Variants in MYO5B observed in about 807,000 individuals in gnomAD.
MYO5B encodes the protein unconventional myosin-Vb.
Under a neutral mutation model 229.3 loss-of-function variants are expected in MYO5B, and 143 were observed. The ratio of observed to expected loss-of-function variants is 0.62; its 90% CI spans 0.54 to 0.72. MYO5B has a LOEUF of 0.72. Ranked by LOEUF, MYO5B falls within the 30% of genes least tolerant of loss-of-function variation. The probability of loss-of-function intolerance (pLI) is 0.00; values close to 1 mark genes in which losing one functional copy is unlikely to be tolerated. For synonymous variants in MYO5B, 918 were observed against 885.2 expected, an observed-to-expected ratio of 1.04 and a Z score of -0.66; for missense variants, 2,321 against 2,331.0, an observed-to-expected ratio of 1.00 and a Z score of 0.09.
chr18:49,985,647 C>A (rs906044465), intron 7 of MYO5B, among the ~76,000 whole-genome samples: 1 of 152,118 alleles, frequency 6.6e-6, no homozygotes, highest in African/African-American at 2.4e-5. Context: ...GTATGGTGAT[C>A]CTGCCTGGTA....
chr18:50,081,990 GA>G (rs1370577504), intron 1 of MYO5B, among the ~76,000 whole-genome samples: 2 of 152,158 alleles, frequency 1.3e-5, no homozygotes, highest in Non-Finnish European at 2.9e-5. Context: ...TTCTAAAAGT[GA>G]AAATACACCT....
At chr18:50,188,121 G>C (rs8090334) in intron 1 of MYO5B, among the ~76,000 whole-genome samples, 82,903 of 152,018 alleles carry the variant, frequency 0.55, 22,741 homozygotes, top group Admixed American at 0.62. Flanking sequence ...TTCTGTAAGT[G>C]TATATTTCAA....
At chr18:49,958,077 A>C (rs2025516357) in intron 12 of MYO5B, among the ~76,000 whole-genome samples, 3 of 152,142 alleles carry the variant, frequency 2.0e-5, no homozygotes, top group South Asian at 4.1e-4. Flanking sequence ...CAAAACATTA[A>C]TTCTAGATAA....
intron 1 of MYO5B, among the ~76,000 whole-genome samples, chr18:50,057,692 C>T (rs1174656586): frequency 6.6e-6 from 1 of 152,196 alleles, no homozygotes; most frequent in Non-Finnish European, 1.5e-5. Context: ...GGTAGGCATA[C>T]AATTGGCTTC....
At chr18:49,977,766 A>C (rs1192760461) in intron 9 of MYO5B, among the ~76,000 whole-genome samples, 1 of 152,186 alleles carries the variant, frequency 6.6e-6, no homozygotes, top group Non-Finnish European at 1.5e-5. Context: ...GGATGCTCTT[A>C]AGGTCCACTC....
intron 24 of MYO5B, 125 bp from the exon 25 acceptor site, chr18:49,878,007 TTCTTGGAATG>T: frequency 1.7e-6 from 2 of 1,158,802 alleles, no homozygotes; most frequent in Non-Finnish European, 2.6e-6. Flanking sequence ...GTATCATTGC[TTCTTGGAATG>T]ATGGCTAAAT....
At chr18:50,125,971 T>C (rs2032155733) in intron 1 of MYO5B, among the ~76,000 whole-genome samples, 1 of 152,062 alleles carries the variant, frequency 6.6e-6, no homozygotes, top group African/African-American at 2.4e-5. Context: ...AGACAGAAAG[T>C]AGACTGGTGG....
intron 1 of MYO5B, among the ~76,000 whole-genome samples, chr18:50,151,379 T>C (rs879709832): frequency 6.6e-6 from 1 of 152,172 alleles, no homozygotes; most frequent in Non-Finnish European, 1.5e-5. Context: ...AGATGTCAAC[T>C]TGAGGTGGTC....
Position 49,847,425 on chromosome 18 carries a change from T to TGG in MYO5B, c.4316-138_4316-137dup. 5 of 1,113,062 alleles carry TGG rather than the reference T, an allele frequency of 4.5e-6. No homozygotes were observed. The South Asian group carries it at 6.7e-5, about 15-fold the overall frequency. 68.9% of individuals were successfully genotyped at this position (1,113,062 alleles called of 1,614,324 possible). A position where few individuals can be genotyped will look rare whatever the true frequency, so the allele number is the denominator to read the frequency against. ...TCTCTGGCAGGTGGAGGATGGCACC[T>TGG]GGGGCAGGGGGCATACTGGGTTCTC... On this transcript the variant is annotated intron_variant, in intron 32 of 39. Coordinates refer to ENST00000285039, the MANE Select transcript of MYO5B (RefSeq NM_001080467.3).
Position 49,892,977 on chromosome 18 carries a change from A to G in MYO5B, c.3045+1964T>C, listed in dbSNP as rs957105670. On this transcript the variant is annotated intron_variant, in intron 22 of 39. Coordinates refer to ENST00000285039, the MANE Select transcript of MYO5B (RefSeq NM_001080467.3). ...AATTTTCTTTAAGACCTAGGTCAGC[A>G]TATCATTGCTAGGGAAGAGTAGCAA... is the stretch of plus-strand genomic sequence containing the variant. Among the ~76,000 whole-genome samples, 30 of 152,318 alleles carry G rather than the reference A, an allele frequency of 2.0e-4. 1 individual carries two copies. Among genetic ancestry groups the G allele is most frequent in the Non-Finnish European group, 3.8e-4 (26 of 68,034 alleles).
At chr18:50,120,258 G>A (rs773454540) in intron 1 of MYO5B, among the ~76,000 whole-genome samples, 1 of 152,226 alleles carries the variant, frequency 6.6e-6, no homozygotes, top group Non-Finnish European at 1.5e-5. Flanking sequence ...AGCACCGAGT[G>A]TAAATGTGGA....
At chr18:49,953,536 T>C (rs1445046266) in intron 13 of MYO5B, among the ~76,000 whole-genome samples, 193 bp from the exon 14 acceptor site, 1 of 152,220 alleles carries the variant, frequency 6.6e-6, no homozygotes, top group African/African-American at 2.4e-5. Flanking sequence ...ATTCATTTTG[T>C]GGAAGAAATT....
chr18:49,831,902 T>G (rs988645777), intron 39 of MYO5B, among the ~76,000 whole-genome samples: 1 of 152,212 alleles, frequency 6.6e-6, no homozygotes, highest in East Asian at 1.9e-4. Flanking sequence ...AAGGGAATAT[T>G]AGTCACTAAA....
chr18:50,023,811 G>C (rs1371050253), intron 4 of MYO5B, among the ~76,000 whole-genome samples: 1 of 152,130 alleles, frequency 6.6e-6, no homozygotes, highest in Non-Finnish European at 1.5e-5. Context: ...TGGAATGGCT[G>C]CCTCCCGGAG....
intron 22 of MYO5B, among the ~76,000 whole-genome samples, chr18:49,881,043 G>C (rs561804699): frequency 1.6e-4 from 24 of 152,154 alleles, no homozygotes; most frequent in South Asian, 4.1e-4. Context: ...CAATAAATAC[G>C]AAGGGAGCTA....
chr18:49,839,032 T>C lies in MYO5B; in HGVS notation c.4852+112A>G. Reference sequence around the variant, plus strand: ...CCTTCACTGGAAGGTTCTGGCTTTCTGGAGGTCATGGCTAAGATATCTGGT... The same window carrying C: ...CCTTCACTGGAAGGTTCTGGCTTTCCGGAGGTCATGGCTAAGATATCTGGT... On this transcript the variant is annotated intron_variant, in intron 36 of 39. Transcript: ENST00000285039. The C allele has an allele frequency of 1.4e-5, 19 of 1,362,142 alleles. No homozygotes were observed. The South Asian group carries it at 2.2e-4, about 16-fold the overall frequency. The allele number at this position is 1,362,142 out of a possible 1,614,324, so 84.4% of individuals were successfully genotyped here. A position where few individuals can be genotyped will look rare whatever the true frequency, so the allele number is the denominator to read the frequency against.
At chr18:50,179,802 C>T (rs986683428) in intron 1 of MYO5B, among the ~76,000 whole-genome samples, 4 of 152,202 alleles carry the variant, frequency 2.6e-5, no homozygotes, top group African/African-American at 4.8e-5. Flanking sequence ...CCGAAAGAGC[C>T]TCATCTCCCT....
intron 4 of MYO5B, among the ~76,000 whole-genome samples, chr18:50,002,743 A>T (rs1162650269): frequency 6.6e-6 from 1 of 152,150 alleles, no homozygotes; most frequent in Non-Finnish European, 1.5e-5. Context: ...GTACAAACTC[A>T]ATATATATCA....
chr18:50,053,947 G>C (rs900811991), intron 2 of MYO5B, among the ~76,000 whole-genome samples: 1 of 152,098 alleles, frequency 6.6e-6, no homozygotes, highest in African/African-American at 2.4e-5. Flanking sequence ...CCATCCCAAA[G>C]CCAACCCTTA....
Sources: allele counts gnomAD v4.1 joint callset (sites outside exome capture counted in the v4.1 genomes callset), GRCh38; gene constraint gnomAD v4.1.1; transcripts MANE v1.5; gene names NCBI Gene and HGNC (gene_info 2026-07-23, HGNC 2026-07-21).